The following TMEM116 variants were observed in gnomAD, a reference collection of about 807,000 sequenced individuals.
TMEM116 encodes transmembrane protein 116.
In TMEM116, 38 loss-of-function variants were observed where a neutral mutation model predicts 44.3. That is an observed-to-expected ratio of 0.86 (90% CI 0.66 to 1.12). The LOEUF (loss-of-function observed/expected upper bound fraction) is 1.12, where lower values mean the gene tolerates loss of function less well. Ranked by LOEUF, TMEM116 falls within the 50% of genes most tolerant of loss-of-function variation. The probability of loss-of-function intolerance (pLI) is 0.00; values close to 1 mark genes in which losing one functional copy is unlikely to be tolerated. For missense variants in TMEM116, 354 were observed against 401.7 expected, an observed-to-expected ratio of 0.88 and a Z score of 1.01; for synonymous variants, 132 against 144.8, an observed-to-expected ratio of 0.91 and a Z score of 0.64.
At chr12:111,959,725 TA>T (rs1374560143) in intron 4 of TMEM116, among the ~76,000 whole-genome samples, 1 of 152,122 alleles carries the variant, frequency 6.6e-6, no homozygotes, top group Non-Finnish European at 1.5e-5. Flanking sequence ...AAACAGACTT[TA>T]AACCAAACCA....
chr12:111,933,005 C>T (rs1452924142), intron 9 of TMEM116, among the ~76,000 whole-genome samples: 1 of 152,144 alleles, frequency 6.6e-6, no homozygotes, highest in Non-Finnish European at 1.5e-5. Context: ...CTTTGGGAGG[C>T]CAAGGTGGGC....
At chr12:111,969,548 C>T (rs1414206661) in intron 4 of TMEM116, among the ~76,000 whole-genome samples, 1 of 151,888 alleles carries the variant, frequency 6.6e-6, no homozygotes, top group East Asian at 1.9e-4. Flanking sequence ...GGGCACACCA[C>T]AGGTGTGCAC....
chr12:111,945,939 A>T (rs538869415), intron 4 of TMEM116, among the ~76,000 whole-genome samples: 2 of 152,354 alleles, frequency 1.3e-5, no homozygotes, highest in Admixed American at 6.5e-5. Context: ...ATTATAAAAT[A>T]GGCTTTGTGT....
chr12:111,994,421 A>G (rs1003519245), intron 3 of TMEM116, among the ~76,000 whole-genome samples: 1 of 152,158 alleles, frequency 6.6e-6, no homozygotes, highest in Non-Finnish European at 1.5e-5. Flanking sequence ...CACACACAAA[A>G]TAGTGAAAGC....
chr12:112,013,195 G>A (rs899992766), upstream of TMEM116: 2 of 417,396 alleles, frequency 4.8e-6, no homozygotes, highest in African/African-American at 4.1e-5. Context: ...CTCGGCGAGT[G>A]CGCGCGCGCA....
At chr12:112,006,026 A>G in intron 1 of TMEM116, 1 of 982,318 alleles carries the variant, frequency 1.0e-6, no homozygotes, top group Non-Finnish European at 1.2e-6. Flanking sequence ...ACCCTTGAGC[A>G]GCCGATCCTT....
At chr12:111,993,210 G>T in intron 3 of TMEM116, 2 of 401,040 alleles carry the variant, frequency 5.0e-6, no homozygotes. Flanking sequence ...TGGGGTCTTA[G>T]GTTGTGGTCT....
At chr12:111,984,379 C>T (rs2076106747) in intron 4 of TMEM116, among the ~76,000 whole-genome samples, 1 of 152,000 alleles carries the variant, frequency 6.6e-6, no homozygotes, top group South Asian at 2.1e-4. Flanking sequence ...AACAATTGAA[C>T]TCATGGACAT....
chr12:111,936,890 C>A, intron 7 of TMEM116, 60 bp from the exon 8 acceptor site: 1 of 1,504,762 alleles, frequency 6.6e-7, no homozygotes, highest in Non-Finnish European at 8.9e-7. Flanking sequence ...AGCTGCTCAA[C>A]AAGACTTAAT....
intron 5 of TMEM116, among the ~76,000 whole-genome samples, chr12:111,940,523 G>GTGTATATATATATATATA (rs1452904726): frequency 9.5e-6 from 1 of 104,936 alleles, no homozygotes; most frequent in East Asian, 6.7e-4. Flanking sequence ...ATATATATGT[G>GTGTATATATATATATATA]TATATATATA....
At chr12:111,987,820 G>A (rs190807940) in intron 4 of TMEM116, among the ~76,000 whole-genome samples, 2 of 152,252 alleles carry the variant, frequency 1.3e-5, no homozygotes, top group East Asian at 1.9e-4. Context: ...TTCTACTCCT[G>A]AGTATATGTA....
rs566087388 is a variant in TMEM116 at position 111,983,367 on chromosome 12, C to T, written c.210+8391G>A. On this transcript the variant is annotated intron_variant, in intron 4 of 10. Transcript: ENST00000552374. ...AGGAGAATCGCTTGAGCCTGGGAGG[C>T]GGAGGCGGAGGTTGCAGTGAGCTGA... 9.2e-5 allele frequency among the ~76,000 whole-genome samples: 14 copies of T among 151,548 alleles called. No individual in the cohort carries two copies. The South Asian group carries it at 2.3e-3, about 25-fold the overall frequency.
chr12:112,008,876 G>A (rs1483273433), intron 1 of TMEM116, among the ~76,000 whole-genome samples: 1 of 151,618 alleles, frequency 6.6e-6, no homozygotes, highest in Non-Finnish European at 1.5e-5. Context: ...TCAGGAGGCT[G>A]AGGCAGGAGA....
In TMEM116 at chr12:111,943,045, C is replaced by G. The variant is rs575675893; in HGVS notation, c.315+220G>C. Among the ~76,000 whole-genome samples the G allele has an allele frequency of 3.3e-5, 5 of 151,996 alleles. No homozygotes were observed. In the South Asian group the frequency reaches 1.0e-3, roughly 32 times the overall value. On this transcript the variant is annotated intron_variant, in intron 5 of 10. Transcript: ENST00000552374. ...CAAGTGATCCTCCCACTTCAGCCCCCGGAGTAGCTAGGACTCCAGGCATGT... is the reference window on the plus strand; with the variant it reads ...CAAGTGATCCTCCCACTTCAGCCCCGGGAGTAGCTAGGACTCCAGGCATGT...
intron 3 of TMEM116, among the ~76,000 whole-genome samples, chr12:111,998,833 G>A (rs893581483): frequency 2.6e-5 from 4 of 152,054 alleles, no homozygotes; most frequent in African/African-American, 9.7e-5. Context: ...GGCAAAGGGG[G>A]AAAGGGGGAA....
intron 8 of TMEM116, chr12:111,936,315 A>C (rs1169844426): frequency 6.4e-6 from 1 of 156,506 alleles, no homozygotes; most frequent in Non-Finnish European, 1.4e-5. Flanking sequence ...TTTAAAAAAG[A>C]AAATTATTTT....
At chr12:112,005,424 C>T in intron 1 of TMEM116, 121 bp from the exon 2 acceptor site, 1 of 708,422 alleles carries the variant, frequency 1.4e-6, no homozygotes, top group Non-Finnish European at 2.0e-6. Flanking sequence ...TCAAAACATA[C>T]TATAAGCCTG....
chr12:111,933,489 CTT>C (rs202131081), intron 9 of TMEM116, among the ~76,000 whole-genome samples: 14 of 134,764 alleles, frequency 1.0e-4, no homozygotes, highest in Admixed American at 1.5e-4. Flanking sequence ...AGCCATCCTT[CTT>C]TTTTTTTTTT....
intron 4 of TMEM116, among the ~76,000 whole-genome samples, chr12:111,950,158 A>G (rs915559161): frequency 5.3e-5 from 8 of 152,028 alleles, no homozygotes; most frequent in African/African-American, 1.9e-4. Flanking sequence ...AACAACCAAA[A>G]AAACCTTAAA....
Sources: gnomAD v4.1 joint callset for allele counts (sites outside exome capture counted in the v4.1 genomes callset) on GRCh38, gnomAD v4.1.1 for gene constraint, MANE v1.5 for transcripts, NCBI Gene and HGNC (gene_info 2026-07-23, HGNC 2026-07-21) for gene names.